Variants in ANKRD30B observed in about 807,000 individuals in gnomAD.
ANKRD30B encodes ankyrin repeat domain 30B.
ANKRD30B carries 144 observed loss-of-function variants against 202.2 expected under a neutral mutation model. That is an observed-to-expected ratio of 0.71 (90% CI 0.62 to 0.82). ANKRD30B has a LOEUF of 0.82. Among genes scored for constraint, ANKRD30B ranks in the 40% least tolerant of loss-of-function variants. The pLI is 0.00. For synonymous variants in ANKRD30B, 508 were observed against 561.3 expected (o/e 0.91, Z 1.34); for missense variants, 1,487 against 1,669.1 (o/e 0.89, Z 1.90).
chr18:14,927,606 G>C, the ANKRD30B span, among the ~76,000 whole-genome samples: 4 of 152,136 alleles, frequency 2.6e-5, no homozygotes, highest in Admixed American at 6.5e-5. Context: ...ATTATCTTTG[G>C]TGTTAAATCC....
At chr18:14,768,894 C>T (rs1916671810) in intron 7 of ANKRD30B, among the ~76,000 whole-genome samples, 1 of 152,142 alleles carries the variant, frequency 6.6e-6, no homozygotes, top group Non-Finnish European at 1.5e-5. Flanking sequence ...TACTGTAGCT[C>T]ACTTGTAGAG....
the ANKRD30B span, among the ~76,000 whole-genome samples, chr18:14,867,273 G>C: frequency 6.8e-6 from 1 of 146,258 alleles, no homozygotes; most frequent in African/African-American, 2.5e-5. Context: ...CAGTCTCTGG[G>C]TGTGTTGTGG....
chr18:14,817,730 T>C (rs1970189285), intron 30 of ANKRD30B, among the ~76,000 whole-genome samples: 1 of 152,220 alleles, frequency 6.6e-6, no homozygotes, highest in South Asian at 2.1e-4. Flanking sequence ...GTATTAATGG[T>C]ATCATTATAT....
At chr18:14,895,198 G>T in the ANKRD30B span, among the ~76,000 whole-genome samples, 1 of 150,102 alleles carries the variant, frequency 6.7e-6, no homozygotes, top group South Asian at 2.1e-4. Flanking sequence ...GTACCTGGGT[G>T]ATGGGAGCAA....
chr18:14,757,380 A>G (rs1047622734), intron 4 of ANKRD30B, among the ~76,000 whole-genome samples: 1 of 152,212 alleles, frequency 6.6e-6, no homozygotes. Context: ...AGTGTCTCAT[A>G]CATTCTTATC....
chr18:14,820,234 T>G (rs1284027618), intron 30 of ANKRD30B, among the ~76,000 whole-genome samples: 8 of 152,194 alleles, frequency 5.3e-5, no homozygotes, highest in Non-Finnish European at 7.4e-5. Context: ...CTTTGCTGAA[T>G]TTGCTTATCA....
rs71364866 is a variant in ANKRD30B at position 14,797,858 on chromosome 18, C to A, written c.2029+4C>A. On this transcript the variant is annotated splice_donor_region_variant and intron_variant, in intron 20 of 43. Transcript: ENST00000690538. ...GACAGAGAAACACTCAAAGCAGGTA[C>A]ATTTTGTAATTTAAATTTTAATCTG... The A allele has an allele frequency of 4.1e-4, 636 of 1,541,258 alleles. 2 individuals carry two copies. Among genetic ancestry groups the A allele is most frequent in the African/African-American group, 1.4e-3 (104 of 72,558 alleles).
At position 14,782,596 on chromosome 18, in the gene ANKRD30B, A is replaced by T; in HGVS notation, c.1552A>T (p.Ile518Leu). The T allele has an allele frequency of 6.3e-7, 1 of 1,577,028 alleles. No individual in the cohort carries two copies. Among genetic ancestry groups the T allele is most frequent in the Non-Finnish European group, 8.6e-7 (1 of 1,166,284 alleles). ...GTCTATGTATCAGAAAGTAATGGAG[A>T]TAAATAGAGAAGTAGAAGGTAAGAA... Reference protein sequence around the residue: ...PESMYQKVMEINREVEELPEK... With the variant: ...PESMYQKVMELNREVEELPEK... The change falls in exon 12 of 44, where the codon ATA becomes TTA. Residue 518 changes from isoleucine to leucine, a missense_variant. Physicochemically the swap from Ile to Leu is conservative, Grantham distance 5 (BLOSUM62 2). Coordinates refer to ENST00000690538, the MANE Select transcript of ANKRD30B (RefSeq NM_001367607.2).
Position 14,778,025 on chromosome 18 carries a change from C to G in ANKRD30B, c.1370C>G (p.Pro457Arg). The G allele has an allele frequency of 6.5e-7, 1 of 1,549,078 alleles. No individual in the cohort carries two copies. The highest frequency in any genetic ancestry group is 8.7e-7 in the Non-Finnish European group (1 of 1,144,998). ...KSAAQNYTCL[P>R]DATYQKDIKT... ...GCTGCACAGAATTATACGTGTTTAC[C>G]TGATGCTACATATCAAAAAGATATC... The change falls in exon 10 of 44, where the codon CCT becomes CGT. Residue 457 changes from proline to arginine, a missense_variant. This residue lies in a region of ANKRD30B where 889 missense variants were observed against 841.4 expected (regional missense o/e 1.06). Transcript: ENST00000690538.
the ANKRD30B span, among the ~76,000 whole-genome samples, chr18:14,895,249 A>G: frequency 6.6e-6 from 1 of 151,220 alleles, no homozygotes; most frequent in Non-Finnish European, 1.5e-5. Context: ...TACCCAGGTA[A>G]AGACCTGCAC....
intron 12 of ANKRD30B, among the ~76,000 whole-genome samples, 197 bp downstream of exon 12, chr18:14,782,811 A>ATTAT (rs1253296480): frequency 1.3e-5 from 2 of 152,152 alleles, no homozygotes; most frequent in Non-Finnish European, 2.9e-5. Context: ...AAAAAACCGA[A>ATTAT]TTATTTGTTT....
At chr18:14,901,376 T>G in the ANKRD30B span, among the ~76,000 whole-genome samples, 227 of 152,304 alleles carry the variant, frequency 1.5e-3, 1 homozygote, top group Middle Eastern at 6.8e-3. Flanking sequence ...AGGTAAAAAC[T>G]TACAAAACTC....
the ANKRD30B span, among the ~76,000 whole-genome samples, chr18:14,878,903 TTCA>T: frequency 6.6e-6 from 1 of 152,132 alleles, no homozygotes; most frequent in Non-Finnish European, 1.5e-5. Flanking sequence ...GGGGCTGCCA[TTCA>T]TCAGCTACCC....
intron 30 of ANKRD30B, among the ~76,000 whole-genome samples, chr18:14,815,756 G>T (rs1970063166): frequency 6.6e-6 from 1 of 152,048 alleles, no homozygotes; most frequent in African/African-American, 2.4e-5. Context: ...TAATAAGTCT[G>T]TTGCAACTAA....
At chr18:14,917,788 T>C in the ANKRD30B span, among the ~76,000 whole-genome samples, 1 of 152,206 alleles carries the variant, frequency 6.6e-6, no homozygotes, top group African/African-American at 2.4e-5. Context: ...GCCAGTACAC[T>C]TGTAAGCAAA....
downstream of ANKRD30B, among the ~76,000 whole-genome samples, chr18:14,858,700 A>C (rs1443133486): frequency 6.8e-6 from 1 of 147,414 alleles, no homozygotes; most frequent in African/African-American, 2.5e-5. Context: ...GTGGCCGGGC[A>C]GAGGCACTCC....
chr18:14,786,094 C>A (rs1008410518), intron 14 of ANKRD30B, among the ~76,000 whole-genome samples: 9 of 144,972 alleles, frequency 6.2e-5, no homozygotes, highest in African/African-American at 2.0e-4. Context: ...TGATAGATGT[C>A]GAATGATAAA....
At chr18:14,845,862 G>C (rs976037120) in intron 39 of ANKRD30B, among the ~76,000 whole-genome samples, 4 of 152,124 alleles carry the variant, frequency 2.6e-5, no homozygotes, top group African/African-American at 9.7e-5. Context: ...AAAGGGTAAA[G>C]AGGCTCTCTG....
the ANKRD30B span, among the ~76,000 whole-genome samples, chr18:14,925,733 G>C: frequency 6.6e-6 from 1 of 152,178 alleles, no homozygotes; most frequent in Non-Finnish European, 1.5e-5. Flanking sequence ...GGGGCTCCCA[G>C]GTGTCTCAGT....
Sources: allele counts gnomAD v4.1 joint callset (sites outside exome capture counted in the v4.1 genomes callset), GRCh38; gene constraint gnomAD v4.1.1; regional missense constraint gnomAD v4.1.1; transcripts MANE v1.5; gene names NCBI Gene and HGNC (gene_info 2026-07-23, HGNC 2026-07-21).